Variants in DDX46 observed in about 807,000 individuals in gnomAD.
DDX46 encodes probable ATP-dependent RNA helicase DDX46.
DDX46 carries 30 observed loss-of-function variants against 134.9 expected under a neutral mutation model. That is an observed-to-expected ratio of 0.22 (90% CI 0.17 to 0.30). The LOEUF is 0.30. Ranked by LOEUF, DDX46 falls within the 10% of genes least tolerant of loss-of-function variation. DDX46 has a pLI of 1.00. For missense variants in DDX46, 622 were observed against 1,248.7 expected, an observed-to-expected ratio of 0.50 and a Z score of 7.56; for synonymous variants, 415 against 404.1, an observed-to-expected ratio of 1.03 and a Z score of -0.32.
At chr5:134,812,635 A>G (rs1024287726) in intron 18 of DDX46, among the ~76,000 whole-genome samples, 1 of 152,010 alleles carries the variant, frequency 6.6e-6, no homozygotes, top group Admixed American at 6.6e-5. Flanking sequence ...CTAGGATACC[A>G]TACTAGCTCA....
intron 12 of DDX46, chr5:134,789,339 A>G (rs925152366): frequency 1.3e-5 from 2 of 152,266 alleles, no homozygotes. Flanking sequence ...ATACTTAAAT[A>G]TTAGATAGCA....
At chr5:134,808,572 C>T (rs935375205) in intron 16 of DDX46, among the ~76,000 whole-genome samples, 5 of 152,214 alleles carry the variant, frequency 3.3e-5, no homozygotes, top group African/African-American at 1.2e-4. Flanking sequence ...TATACACATA[C>T]ACATAAATGT....
intron 13 of DDX46, 94 bp downstream of exon 13, chr5:134,790,646 C>A: frequency 2.8e-6 from 3 of 1,075,944 alleles, no homozygotes; most frequent in Non-Finnish European, 4.1e-6. Flanking sequence ...GAAATTCACA[C>A]ACACACTTTT....
chr5:134,807,381 G>A (rs1259632225), intron 15 of DDX46, among the ~76,000 whole-genome samples: 5 of 152,094 alleles, frequency 3.3e-5, no homozygotes, highest in South Asian at 4.1e-4. Flanking sequence ...ACAAAACCGA[G>A]TAGCAAGGCT....
intron 21 of DDX46, among the ~76,000 whole-genome samples, chr5:134,819,859 C>T (rs1328117648): frequency 6.6e-6 from 1 of 151,858 alleles, no homozygotes; most frequent in African/African-American, 2.4e-5. Context: ...TGATGTGTTA[C>T]TCTACTGCAT....
intron 4 of DDX46, 133 bp from the exon 5 acceptor site, chr5:134,773,563 G>A: frequency 3.3e-6 from 3 of 915,744 alleles, no homozygotes; most frequent in Admixed American, 6.1e-5. Context: ...ACCCTGAGGG[G>A]TTTGTATATA....
chr5:134,792,569 A>G (rs930978165), intron 13 of DDX46, among the ~76,000 whole-genome samples: 1 of 152,148 alleles, frequency 6.6e-6, no homozygotes, highest in African/African-American at 2.4e-5. Flanking sequence ...GAAATCTTAG[A>G]TTTTATTATA....
At chr5:134,799,754 A>C (rs1481415680) in intron 15 of DDX46, among the ~76,000 whole-genome samples, 18 of 152,014 alleles carry the variant, frequency 1.2e-4, no homozygotes, top group East Asian at 1.9e-4. Flanking sequence ...AAAAAAAAAA[A>C]AAACCCTAAT....
In DDX46 at chr5:134,788,545, T is replaced by C. The variant is rs780663397; in HGVS notation, c.1497T>C (p.Ile499=). Residue 499 remains isoleucine (I), a synonymous_variant, in exon 12 of 23, where the codon ATT becomes ATC. Coordinates refer to ENST00000452510, the MANE Select transcript of DDX46 (RefSeq NM_001300860.2). Reference sequence around the variant, plus strand: ...AGCTGAAAAGAGGTGCTGAAATTATTGTTTGCACACCTGGTCGAATGATTG... The same window carrying C: ...AGCTGAAAAGAGGTGCTGAAATTATCGTTTGCACACCTGGTCGAATGATTG... ...IAELKRGAEI[I]VCTPGRMIDM... is the part of the protein sequence containing the mutation. 4 of 1,613,938 alleles carry C rather than the reference T, an allele frequency of 2.5e-6. No homozygotes were observed. Among genetic ancestry groups the C allele is most frequent in the Admixed American group, 3.3e-5 (2 of 59,992 alleles).
chr5:134,816,675 A>T, intron 19 of DDX46, 69 bp downstream of exon 19: 1 of 1,456,042 alleles, frequency 6.9e-7, no homozygotes, highest in Non-Finnish European at 9.4e-7. Context: ...TTCAGGAATT[A>T]TGTTGAACAC....
chr5:134,770,959 A>G lies in DDX46; in HGVS notation c.407A>G (p.Asp136Gly), dbSNP rs1753746404. 2.0e-6 allele frequency: 3 copies of G among 1,535,238 alleles called. No individual in the cohort carries two copies. In the East Asian group the frequency reaches 6.8e-5, roughly 35 times the overall value. The change falls in exon 4 of 23, where the codon GAC becomes GGC. Residue 136 changes from aspartate (D) to glycine (G), a missense_variant. Transcript: ENST00000452510. ...GAAAGTTCTAAAGAGAAGAAAAAAG[A>G]CAAAGATGACAAGGAGGATGAAAAA... ...GGESSKEKKK[D>G]KDDKEDEKEK...
intron 2 of DDX46, among the ~76,000 whole-genome samples, chr5:134,764,915 C>G (rs1753516190): frequency 6.6e-6 from 1 of 151,536 alleles, no homozygotes; most frequent in South Asian, 2.1e-4. Flanking sequence ...CTCTCTTTCT[C>G]TTTCTTTCTT....
intron 21 of DDX46, among the ~76,000 whole-genome samples, chr5:134,822,385 T>C (rs1027273975): frequency 4.6e-5 from 7 of 151,998 alleles, no homozygotes; most frequent in Admixed American, 2.6e-4. Context: ...CAGGCTGGAG[T>C]GCAAAGGTGA....
chr5:134,801,797 T>G (rs996281877), intron 15 of DDX46, among the ~76,000 whole-genome samples: 9 of 150,888 alleles, frequency 6.0e-5, no homozygotes, highest in Admixed American at 5.9e-4. Flanking sequence ...TAGTTGGTTG[T>G]TTTTTTTATA....
At chr5:134,818,594 C>T (rs530005609) in intron 20 of DDX46, among the ~76,000 whole-genome samples, 6 of 151,324 alleles carry the variant, frequency 4.0e-5, no homozygotes, top group African/African-American at 7.3e-5. Context: ...CCCAGCTACT[C>T]GGGAGGCTGA....
At chr5:134,809,966 T>C (rs1755095692) in intron 16 of DDX46, among the ~76,000 whole-genome samples, 1 of 152,128 alleles carries the variant, frequency 6.6e-6, no homozygotes, top group Admixed American at 6.5e-5. Context: ...TGAACCAAGA[T>C]TGTGCCATTG....
chr5:134,818,772 A>T (rs1237974788), intron 20 of DDX46, 88 bp from the exon 21 acceptor site: 2 of 1,114,330 alleles, frequency 1.8e-6, no homozygotes, highest in Non-Finnish European at 2.5e-6. Context: ...CCATAATATG[A>T]TATCAGCCAG....
chr5:134,819,775 C>G (rs999878626), intron 21 of DDX46, among the ~76,000 whole-genome samples: 4 of 151,994 alleles, frequency 2.6e-5, no homozygotes, highest in African/African-American at 9.7e-5. Context: ...CTCAAGGGAC[C>G]CGCCCCCACT....
At chr5:134,775,760 G>A (rs1753915736) in intron 5 of DDX46, among the ~76,000 whole-genome samples, 1 of 152,136 alleles carries the variant, frequency 6.6e-6, no homozygotes, top group South Asian at 2.1e-4. Context: ...CCAAAGCAGT[G>A]GGATTACAAG....
Sources: gnomAD v4.1 joint callset for allele counts (sites outside exome capture counted in the v4.1 genomes callset) on GRCh38, gnomAD v4.1.1 for gene constraint, MANE v1.5 for transcripts, NCBI Gene and HGNC (gene_info 2026-07-23, HGNC 2026-07-21) for gene names.